Variants in DEPTOR observed in about 807,000 individuals in gnomAD.
DEPTOR encodes the protein DEP domain containing MTOR interacting protein.
A neutral mutation model predicts 41.6 loss-of-function variants in DEPTOR; 41 were observed. The ratio of observed to expected loss-of-function variants is 0.98; its 90% CI spans 0.77 to 1.28. The LOEUF (loss-of-function observed/expected upper bound fraction) is 1.28. DEPTOR is among the 50% of genes most tolerant of loss of function. The probability of loss-of-function intolerance (pLI) is 0.00; values close to 1 mark genes in which losing one functional copy is unlikely to be tolerated. For synonymous variants in DEPTOR, 195 were observed against 192.3 expected, an observed-to-expected ratio of 1.01 and a Z score of -0.12; for missense variants, 514 against 527.9, an observed-to-expected ratio of 0.97 and a Z score of 0.26.
intron 4 of DEPTOR, among the ~76,000 whole-genome samples, chr8:119,970,168 C>T (rs974102048): frequency 3.9e-5 from 6 of 152,118 alleles, no homozygotes; most frequent in Non-Finnish European, 8.8e-5. Flanking sequence ...TTGACCACAT[C>T]TATACATATT....
intron 3 of DEPTOR, among the ~76,000 whole-genome samples, chr8:119,952,292 C>T (rs145909452): frequency 6.6e-6 from 1 of 152,200 alleles, no homozygotes; most frequent in Non-Finnish European, 1.5e-5. Context: ...CCACTATCTC[C>T]ATTGACACTT....
intron 8 of DEPTOR, among the ~76,000 whole-genome samples, chr8:120,032,258 A>T: frequency 7.4e-6 from 1 of 135,726 alleles, no homozygotes. Flanking sequence ...TTGCTCTGTC[A>T]CCCAGGTTGG....
intron 1 of DEPTOR, among the ~76,000 whole-genome samples, chr8:119,882,554 A>G (rs1418253222): frequency 1.3e-5 from 2 of 152,112 alleles, no homozygotes; most frequent in Non-Finnish European, 2.9e-5. Flanking sequence ...AGACTCAGGC[A>G]TGTACCACCA....
intron 8 of DEPTOR, among the ~76,000 whole-genome samples, chr8:120,036,340 G>T (rs1586668710): frequency 6.6e-6 from 1 of 152,306 alleles, no homozygotes; most frequent in African/African-American, 2.4e-5. Context: ...AAGGTCAATT[G>T]CACAGTCTGT....
chr8:119,970,974 T>C (rs1428745743), intron 4 of DEPTOR, among the ~76,000 whole-genome samples: 3 of 152,062 alleles, frequency 2.0e-5, no homozygotes, highest in African/African-American at 7.2e-5. Flanking sequence ...CTCACACCCG[T>C]AATCCCAGCA....
At chr8:119,907,790 A>T (rs1019617167) in intron 1 of DEPTOR, among the ~76,000 whole-genome samples, 2 of 152,176 alleles carry the variant, frequency 1.3e-5, no homozygotes, top group African/African-American at 4.8e-5. Flanking sequence ...AAAAACAAAA[A>T]AAAAGGGAAG....
Position 119,936,798 on chromosome 8 carries a change from T to C in DEPTOR, c.425+6860T>C, listed in dbSNP as rs187551911. On this transcript the variant is annotated intron_variant, in intron 3 of 8. Coordinates refer to ENST00000286234, the MANE Select transcript of DEPTOR (RefSeq NM_022783.4). Reference sequence around the variant, plus strand: ...CAGCACTTTGGGAGGCCAAGGTGGGTAGATCACTTTACATCAGGAGTTTGA... The same window carrying C: ...CAGCACTTTGGGAGGCCAAGGTGGGCAGATCACTTTACATCAGGAGTTTGA... Among the ~76,000 whole-genome samples, 279 of 150,048 alleles carry C rather than the reference T, an allele frequency of 1.9e-3. 1 individual carries two copies. Among genetic ancestry groups the C allele is most frequent in the Non-Finnish European group, 1.6e-3 (106 of 67,412 alleles).
At chr8:120,038,510 T>C (rs1813011935) in intron 8 of DEPTOR, among the ~76,000 whole-genome samples, 2 of 150,478 alleles carry the variant, frequency 1.3e-5, no homozygotes, top group Admixed American at 1.3e-4. Flanking sequence ...AGGATATAGC[T>C]TGAACTTGGG....
chr8:120,016,942 C>T (rs183402901), intron 8 of DEPTOR, among the ~76,000 whole-genome samples: 17 of 152,232 alleles, frequency 1.1e-4, no homozygotes, highest in Admixed American at 7.8e-4. Flanking sequence ...AATACTCAAA[C>T]GTTCAGTCTG....
intron 1 of DEPTOR, among the ~76,000 whole-genome samples, chr8:119,925,482 G>A (rs1331152990): frequency 3.3e-5 from 5 of 152,022 alleles, no homozygotes; most frequent in African/African-American, 4.8e-5. Flanking sequence ...ATTACCACGC[G>A]AACAGTATGG....
At chr8:119,950,597 CT>C (rs1414552789) in intron 3 of DEPTOR, among the ~76,000 whole-genome samples, 5 of 151,194 alleles carry the variant, frequency 3.3e-5, no homozygotes, top group Non-Finnish European at 7.4e-5. Context: ...TTCTTTTCTT[CT>C]TTTTCTTTTC....
rs112435199 is a variant in DEPTOR at position 119,999,483 on chromosome 8, G to A, written c.605-2042G>A. 1.9e-3 allele frequency among the ~76,000 whole-genome samples: 291 copies of A among 152,176 alleles called. 2 individuals are homozygous for A. Among genetic ancestry groups the A allele is most frequent in the African/African-American group, 6.4e-3 (264 of 41,522 alleles). On this transcript the variant is annotated intron_variant, in intron 4 of 8. Coordinates refer to ENST00000286234, the MANE Select transcript of DEPTOR (RefSeq NM_022783.4). ...ACTCTAAAGTGTGGATTTTGGCTGG[G>A]CACAGTGGTGTGTGCCTGCAGTCCT...
chr8:120,047,146 C>G (rs1034577208), intron 8 of DEPTOR, among the ~76,000 whole-genome samples: 1 of 151,930 alleles, frequency 6.6e-6, no homozygotes, highest in Non-Finnish European at 1.5e-5. Context: ...GCCCCAGGCT[C>G]CTGAGTAGCT....
intron 3 of DEPTOR, among the ~76,000 whole-genome samples, chr8:119,948,392 G>T (rs922329273): frequency 7.9e-5 from 12 of 152,040 alleles, no homozygotes; most frequent in Admixed American, 2.6e-4. Context: ...AGTCTGGGTG[G>T]CAGAGTGAGA....
At chr8:120,019,694 C>T (rs974858747) in intron 8 of DEPTOR, among the ~76,000 whole-genome samples, 10 of 152,204 alleles carry the variant, frequency 6.6e-5, no homozygotes, top group Non-Finnish European at 1.0e-4. Context: ...TCAGCCATGT[C>T]GTCCTTCCCT....
In DEPTOR at chr8:119,956,413, A is replaced by G. The variant is rs145740537; in HGVS notation, c.426-8819A>G. On this transcript the variant is annotated intron_variant, in intron 3 of 8. Coordinates refer to ENST00000286234, the MANE Select transcript of DEPTOR (RefSeq NM_022783.4). ...GCATGCCAGCTGGCCTCAGTCCTAA[A>G]GCTCACACTGGCAGAAGCAGCTAAC... 4.3e-3 allele frequency among the ~76,000 whole-genome samples: 653 copies of G among 152,298 alleles called. 4 individuals are homozygous for G. Among genetic ancestry groups the G allele is most frequent in the African/African-American group, 0.015 (625 of 41,564 alleles).
intron 7 of DEPTOR, 132 bp downstream of exon 7, chr8:120,007,007 T>G: frequency 3.5e-6 from 3 of 853,516 alleles, no homozygotes; most frequent in Non-Finnish European, 5.5e-6. Context: ...AGCGTAATTA[T>G]GATACTAGGC....
At chr8:119,981,297 T>C (rs1038313564) in intron 4 of DEPTOR, among the ~76,000 whole-genome samples, 3 of 152,220 alleles carry the variant, frequency 2.0e-5, no homozygotes, top group African/African-American at 4.8e-5. Flanking sequence ...ATTTGCAGCT[T>C]AAATTTTCTA....
intron 1 of DEPTOR, among the ~76,000 whole-genome samples, chr8:119,912,773 T>C (rs1179755345): frequency 6.6e-6 from 1 of 152,228 alleles, no homozygotes; most frequent in Non-Finnish European, 1.5e-5. Context: ...CTCCCTGGCC[T>C]TGTGGCTTAC....
Sources: gnomAD v4.1 joint callset for allele counts (sites outside exome capture counted in the v4.1 genomes callset) on GRCh38, gnomAD v4.1.1 for gene constraint, MANE v1.5 for transcripts, NCBI Gene and HGNC (gene_info 2026-07-23, HGNC 2026-07-21) for gene names.